Variants in RARB observed in about 807,000 individuals in gnomAD.
The protein encoded by RARB is retinoic acid receptor beta.
In RARB, 17 loss-of-function variants were observed where a neutral mutation model predicts 51.9. That is an observed-to-expected ratio of 0.33 (90% confidence interval 0.22 to 0.49). The LOEUF is 0.49. RARB is among the 20% of genes least tolerant of loss of function. The pLI is 0.99. For synonymous variants in RARB, 215 were observed against 195.4 expected (o/e 1.10, Z -0.84); for missense variants, 369 against 550.8 (o/e 0.67, Z 3.30).
intron 3 of RARB, among the ~76,000 whole-genome samples, chr3:25,061,789 G>C (rs917914778): frequency 5.9e-5 from 9 of 151,688 alleles, no homozygotes; most frequent in Non-Finnish European, 8.9e-5. Flanking sequence ...GAGGAAAAAA[G>C]TGATTCAAGT....
intron 2 of RARB, among the ~76,000 whole-genome samples, chr3:24,963,754 C>A (rs1281759842): frequency 6.6e-6 from 1 of 151,996 alleles, no homozygotes; most frequent in East Asian, 1.9e-4. Flanking sequence ...AGGAATGCAC[C>A]TGTGAGAAAA....
At chr3:25,397,210 CA>C (rs1268047580) in intron 5 of RARB, among the ~76,000 whole-genome samples, 1 of 152,158 alleles carries the variant, frequency 6.6e-6, no homozygotes. Flanking sequence ...ACTGTGTGCC[CA>C]CAGGGCTCTT....
At chr3:25,480,717 A>T (rs1442460860) in intron 2 of RARB, among the ~76,000 whole-genome samples, 1 of 152,136 alleles carries the variant, frequency 6.6e-6, no homozygotes, top group Admixed American at 6.5e-5. Flanking sequence ...TTATTATTGG[A>T]TTTGAGAAAC....
chr3:25,259,779 A>G (rs903737476), intron 5 of RARB, among the ~76,000 whole-genome samples: 2 of 152,152 alleles, frequency 1.3e-5, no homozygotes, highest in East Asian at 1.9e-4. Context: ...AGCAAAACCC[A>G]TTTTATTTTA....
At chr3:25,126,545 C>T (rs180725344) in intron 3 of RARB, among the ~76,000 whole-genome samples, 1 of 152,118 alleles carries the variant, frequency 6.6e-6, no homozygotes, top group African/African-American at 2.4e-5. Flanking sequence ...TCTCTTTGCA[C>T]CTGCATTTCA....
intron 5 of RARB, among the ~76,000 whole-genome samples, chr3:25,233,584 G>A (rs1466044830): frequency 6.6e-6 from 1 of 152,002 alleles, no homozygotes; most frequent in African/African-American, 2.4e-5. Context: ...TATTTAATAA[G>A]GATAGTGAGA....
intron 5 of RARB, among the ~76,000 whole-genome samples, chr3:25,402,860 A>G (rs1220529885): frequency 6.6e-6 from 1 of 152,026 alleles, no homozygotes; most frequent in Non-Finnish European, 1.5e-5. Context: ...GGTACAAAAA[A>G]TGTAGCTAGA....
chr3:24,973,731 T>A (rs1219441018), intron 2 of RARB, among the ~76,000 whole-genome samples: 1 of 152,082 alleles, frequency 6.6e-6, no homozygotes, highest in Non-Finnish European at 1.5e-5. Context: ...ATGGGATTGC[T>A]TTTGTAATTT....
intron 1 of RARB, among the ~76,000 whole-genome samples, chr3:25,454,652 C>T (rs1328855537): frequency 3.3e-5 from 5 of 151,484 alleles, no homozygotes; most frequent in Non-Finnish European, 5.9e-5. Context: ...CTGTCAACAT[C>T]GTTTTAGCCA....
At chr3:25,310,176 A>G (rs1029310756) in intron 5 of RARB, among the ~76,000 whole-genome samples, 1 of 152,346 alleles carries the variant, frequency 6.6e-6, no homozygotes, top group African/African-American at 2.4e-5. Flanking sequence ...GGTGACGAGC[A>G]GCACTCATGA....
At chr3:25,207,992 C>T (rs1345567693) in intron 5 of RARB, among the ~76,000 whole-genome samples, 2 of 151,154 alleles carry the variant, frequency 1.3e-5, no homozygotes, top group Non-Finnish European at 2.9e-5. Flanking sequence ...AAGCATGTCA[C>T]ATGGCAAAAG....
chr3:25,492,912 T>A (rs899560798), intron 2 of RARB, among the ~76,000 whole-genome samples: 1 of 151,814 alleles, frequency 6.6e-6, no homozygotes, highest in Non-Finnish European at 1.5e-5. Context: ...TAACAGATCT[T>A]ATAGAAGCCA....
At chr3:25,064,467 C>G (rs1310579772) in intron 3 of RARB, among the ~76,000 whole-genome samples, 1 of 151,902 alleles carries the variant, frequency 6.6e-6, no homozygotes, top group Non-Finnish European at 1.5e-5. Context: ...TGTAAGTTAT[C>G]CAAAAAAGAA....
At chr3:25,392,991 A>G (rs1047281177) in intron 5 of RARB, among the ~76,000 whole-genome samples, 23 of 151,976 alleles carry the variant, frequency 1.5e-4, no homozygotes, top group African/African-American at 5.3e-4. Context: ...ATGACTTCAG[A>G]TTTTCCCCAT....
At chr3:25,536,518 G>A (rs566904439) in intron 3 of RARB, among the ~76,000 whole-genome samples, 1 of 152,338 alleles carries the variant, frequency 6.6e-6, no homozygotes, top group African/African-American at 2.4e-5. Context: ...ACACTTGAAG[G>A]AGGGTAAAAT....
intron 5 of RARB, among the ~76,000 whole-genome samples, chr3:25,210,017 C>T (rs1378770303): frequency 6.6e-6 from 1 of 152,158 alleles, no homozygotes; most frequent in Non-Finnish European, 1.5e-5. Flanking sequence ...GAAATTACCC[C>T]ACAAGACATT....
At chr3:25,233,680 G>GTGT (rs202227316) in intron 5 of RARB, among the ~76,000 whole-genome samples, 1 of 151,056 alleles carries the variant, frequency 6.6e-6, no homozygotes, top group Non-Finnish European at 1.5e-5. Context: ...AGCTATAGGG[G>GTGT]TGTTGTTGTT....
chr3:25,313,179 T>C (rs1230407373), intron 5 of RARB, among the ~76,000 whole-genome samples: 1 of 152,204 alleles, frequency 6.6e-6, no homozygotes, highest in African/African-American at 2.4e-5. Flanking sequence ...CCTTGGAAGT[T>C]CCCCTCTTAT....
intron 5 of RARB, among the ~76,000 whole-genome samples, chr3:25,416,747 A>G (rs752456842): frequency 4.6e-5 from 7 of 152,118 alleles, no homozygotes; most frequent in Non-Finnish European, 8.8e-5. Flanking sequence ...GAGTCTGCCA[A>G]CCCCTGGACT....
Sources: gnomAD v4.1 joint callset for allele counts (sites outside exome capture counted in the v4.1 genomes callset) on GRCh38, gnomAD v4.1.1 for gene constraint, MANE v1.5 for transcripts, NCBI Gene and HGNC (gene_info 2026-07-23, HGNC 2026-07-21) for gene names.